GABBR2: variants seen among roughly 807,000 people sequenced by gnomAD.
GABBR2 encodes the protein gamma-aminobutyric acid type B receptor subunit 2, also known as G-protein coupled receptor 51.
A neutral mutation model predicts 105.6 loss-of-function variants in GABBR2; 23 were observed. The ratio of observed to expected loss-of-function variants is 0.22; its 90% CI spans 0.16 to 0.31. The LOEUF (loss-of-function observed/expected upper bound fraction) is 0.31, where lower values mean the gene tolerates loss of function less well. GABBR2 is among the 10% of genes least tolerant of loss of function. The pLI is 1.00. For missense variants in GABBR2, 734 were observed against 1,245.5 expected (o/e 0.59, Z 6.18); for synonymous variants, 478 against 499.7 (o/e 0.96, Z 0.58).
At chr9:98,443,033 A>C (rs977085933) in intron 7 of GABBR2, among the ~76,000 whole-genome samples, 3 of 152,206 alleles carry the variant, frequency 2.0e-5, no homozygotes, top group African/African-American at 7.2e-5. Flanking sequence ...TGGATTTTTT[A>C]GGGGGGCACA....
intron 7 of GABBR2, among the ~76,000 whole-genome samples, chr9:98,417,753 T>C (rs1467362105): frequency 6.6e-6 from 1 of 152,110 alleles, no homozygotes; most frequent in African/African-American, 2.4e-5. Context: ...AAGACTATTA[T>C]AAGGTAATGT....
chr9:98,335,130 C>T (rs1441060550), intron 13 of GABBR2, among the ~76,000 whole-genome samples: 1 of 152,142 alleles, frequency 6.6e-6, no homozygotes, highest in Non-Finnish European at 1.5e-5. Flanking sequence ...AGAAACCTCC[C>T]TTTTTTCCTC....
intron 1 of GABBR2, among the ~76,000 whole-genome samples, chr9:98,603,838 G>A (rs1039551621): frequency 3.3e-5 from 5 of 152,092 alleles, no homozygotes; most frequent in African/African-American, 1.2e-4. Context: ...GAGCTTCAGG[G>A]ACCATAATTA....
chr9:98,670,489 C>T (rs1320507468), intron 1 of GABBR2, among the ~76,000 whole-genome samples: 4 of 152,130 alleles, frequency 2.6e-5, no homozygotes, highest in Admixed American at 6.5e-5. Context: ...CGTATATACC[C>T]GCAAGAATGG....
chr9:98,475,828 C>T (rs941950345), intron 5 of GABBR2, among the ~76,000 whole-genome samples: 10 of 152,102 alleles, frequency 6.6e-5, no homozygotes, highest in African/African-American at 9.7e-5. Flanking sequence ...TTTGGGAGGC[C>T]GAGGTGGGCG....
At chr9:98,337,917 G>A (rs1354452988) in intron 13 of GABBR2, among the ~76,000 whole-genome samples, 1 of 152,162 alleles carries the variant, frequency 6.6e-6, no homozygotes. Context: ...AGTTACTCGG[G>A]AGGCTGAGGC....
chr9:98,363,572 T>C (rs1564032050), intron 12 of GABBR2, among the ~76,000 whole-genome samples: 1 of 152,184 alleles, frequency 6.6e-6, no homozygotes, highest in Non-Finnish European at 1.5e-5. Flanking sequence ...TCAGAAGCTA[T>C]ATAAAGTTGT....
rs532235326 is a variant in GABBR2 at position 98,417,781 on chromosome 9, TG to T, written c.1237-11641del. Among the ~76,000 whole-genome samples the T allele has an allele frequency of 2.6e-4, 40 of 151,794 alleles. No homozygotes were observed. The South Asian group carries it at 4.2e-3, about 16-fold the overall frequency. The stretch of plus-strand genomic sequence containing the variant: ...GGTAATGTGAGTTGCTAGGAGAGAG[TG>T]GGTACAGAGGGCTGGCAGCACAAAG... On this transcript the variant is annotated intron_variant, in intron 7 of 18. Transcript: ENST00000259455.
At chr9:98,300,884 T>G (rs574815398) in intron 16 of GABBR2, among the ~76,000 whole-genome samples, 67 of 152,282 alleles carry the variant, frequency 4.4e-4, no homozygotes, top group African/African-American at 1.5e-3. Flanking sequence ...TGCATTTTTG[T>G]CCAATCACAT....
chr9:98,601,714 G>A (rs1829339350), intron 1 of GABBR2, among the ~76,000 whole-genome samples: 1 of 152,242 alleles, frequency 6.6e-6, no homozygotes, highest in African/African-American at 2.4e-5. Context: ...TTTCCTCAGG[G>A]CACCATGGTC....
intron 8 of GABBR2, among the ~76,000 whole-genome samples, chr9:98,403,615 C>T (rs531412358): frequency 2.0e-5 from 3 of 152,062 alleles, no homozygotes; most frequent in East Asian, 1.9e-4. Flanking sequence ...TGCAGGGAGC[C>T]GCTATTAGGG....
intron 16 of GABBR2, among the ~76,000 whole-genome samples, chr9:98,299,680 C>T (rs138504475): frequency 1.3e-5 from 2 of 152,232 alleles, no homozygotes; most frequent in African/African-American, 4.8e-5. Flanking sequence ...CTTATGCAAA[C>T]CCAAGGCTGC....
At chr9:98,669,548 T>C (rs1320651090) in intron 1 of GABBR2, among the ~76,000 whole-genome samples, 1 of 152,218 alleles carries the variant, frequency 6.6e-6, no homozygotes, top group Non-Finnish European at 1.5e-5. Flanking sequence ...AGAGTTTCTA[T>C]TCTGTTCCAC....
intron 3 of GABBR2, among the ~76,000 whole-genome samples, chr9:98,503,605 A>G (rs1463104751): frequency 6.6e-6 from 1 of 152,112 alleles, no homozygotes; most frequent in East Asian, 1.9e-4. Context: ...TTGGGGGTAC[A>G]TTCAGGACAA....
chr9:98,693,076 A>G (rs1588285611), intron 1 of GABBR2, among the ~76,000 whole-genome samples: 1 of 152,112 alleles, frequency 6.6e-6, no homozygotes, highest in Non-Finnish European at 1.5e-5. Context: ...AGTGTTCCTC[A>G]CCCGGACACC....
intron 6 of GABBR2, among the ~76,000 whole-genome samples, chr9:98,462,637 TA>T (rs1399205210): frequency 6.6e-6 from 1 of 152,114 alleles, no homozygotes; most frequent in Non-Finnish European, 1.5e-5. Context: ...TGGCTAAAAT[TA>T]AAAAGCTGAC....
rs773132850 is a variant in GABBR2, at chr9:98,305,808, GA to G, written c.2229+312del. Among the ~76,000 whole-genome samples, 10,267 of 136,566 alleles carry G rather than the reference GA, an allele frequency of 0.075. 837 individuals carry two copies. The highest frequency in any genetic ancestry group is 0.2 in the African/African-American group (7,736 of 37,894). The allele number at this position is 136,566 out of a possible 152,430, so 89.6% of individuals were successfully genotyped here. ...CTCCAGCCTGGGTGGCAGAGTGAGG[GA>G]AAAAAAAAAAAGGCATCATCTCCTA... On this transcript the variant is annotated intron_variant, in intron 15 of 18. Coordinates refer to ENST00000259455, the MANE Select transcript of GABBR2 (RefSeq NM_005458.8).
intron 1 of GABBR2, among the ~76,000 whole-genome samples, chr9:98,594,347 G>A (rs1829197075): frequency 6.6e-6 from 1 of 152,220 alleles, no homozygotes; most frequent in South Asian, 2.1e-4. Flanking sequence ...TGCCTGCGCA[G>A]GGGGTGACGC....
chr9:98,486,353 G>A (rs1395224392), intron 4 of GABBR2, among the ~76,000 whole-genome samples: 1 of 152,246 alleles, frequency 6.6e-6, no homozygotes, highest in Non-Finnish European at 1.5e-5. Context: ...AGATGTTGAA[G>A]TGAAAGGATA....
Sources: gnomAD v4.1 joint callset for allele counts (sites outside exome capture counted in the v4.1 genomes callset) on GRCh38, gnomAD v4.1.1 for gene constraint, MANE v1.5 for transcripts, NCBI Gene and HGNC (gene_info 2026-07-23, HGNC 2026-07-21) for gene names.